The following MECR variants were observed in gnomAD, a reference collection of about 807,000 sequenced individuals.
MECR encodes the protein mitochondrial trans-2-enoyl-CoA reductase, also known as enoyl-[acyl-carrier-protein] reductase, mitochondrial.
In MECR, 37 loss-of-function variants were observed where a neutral mutation model predicts 49.1. The observed-to-expected ratio is 0.75, with a 90% confidence interval of 0.58 to 0.99. MECR has a LOEUF of 0.99. Among genes scored for constraint, MECR ranks in the 50% least tolerant of loss-of-function variants. MECR has a pLI of 0.00. For synonymous variants in MECR, 198 were observed against 191.1 expected (o/e 1.04, Z -0.30); for missense variants, 470 against 479.6 (o/e 0.98, Z 0.19).
the MECR span, chr1:29,169,792 G>C: frequency 1.3e-5 from 2 of 152,124 alleles, no homozygotes; most frequent in Non-Finnish European, 2.9e-5. Context: ...TATTCACATA[G>C]TAGGGTGAGA....
downstream of MECR, among the ~76,000 whole-genome samples, chr1:29,189,998 G>T (rs1200385058): frequency 6.6e-6 from 1 of 152,134 alleles, no homozygotes; most frequent in Non-Finnish European, 1.5e-5. Context: ...TAAAACAGAC[G>T]CTTATTTCTC....
intron 3 of MECR, among the ~76,000 whole-genome samples, chr1:29,207,276 T>A (rs1238589914): frequency 6.6e-6 from 1 of 152,008 alleles, no homozygotes; most frequent in East Asian, 1.9e-4. Flanking sequence ...TGCACTACCA[T>A]ACATGGCTAA....
chr1:29,209,861 C>T (rs1677526699), intron 3 of MECR, among the ~76,000 whole-genome samples: 1 of 152,136 alleles, frequency 6.6e-6, no homozygotes, highest in Non-Finnish European at 1.5e-5. Context: ...GCTCACTATC[C>T]AGTTGCTGGG....
intron 3 of MECR, among the ~76,000 whole-genome samples, chr1:29,209,774 C>G (rs1677501341): frequency 6.6e-6 from 1 of 152,088 alleles, no homozygotes. Context: ...TTGCTTGGAG[C>G]CTTGTTGGCT....
chr1:29,173,106 T>TTA, the MECR span: 1 of 151,774 alleles, frequency 6.6e-6, no homozygotes. Context: ...TAACCTACAT[T>TTA]TATTCTCTAA....
chr1:29,175,101 GATT>G, the MECR span, among the ~76,000 whole-genome samples: 1 of 148,850 alleles, frequency 6.7e-6, no homozygotes, highest in Non-Finnish European at 1.5e-5. Context: ...TACATCTTTG[GATT>G]ATTTTGGTCC....
the MECR span, chr1:29,169,449 G>T: frequency 6.6e-6 from 1 of 152,200 alleles, no homozygotes; most frequent in African/African-American, 2.4e-5. Flanking sequence ...ATGAGAAAGA[G>T]TAAGTGGCAA....
the MECR span, among the ~76,000 whole-genome samples, chr1:29,177,893 A>ATTTTTTT: frequency 2.6e-4 from 24 of 93,620 alleles, no homozygotes; most frequent in African/African-American, 9.3e-4. Flanking sequence ...ATTACACAAG[A>ATTTTTTT]TTTTTTTTTT....
intron 3 of MECR, among the ~76,000 whole-genome samples, chr1:29,215,159 C>A (rs1558476116): frequency 1.3e-5 from 2 of 152,206 alleles, no homozygotes; most frequent in South Asian, 4.1e-4. Flanking sequence ...CTCGTGCAAT[C>A]CTCTCCCATA....
chr1:29,186,396 T>C, the MECR span, among the ~76,000 whole-genome samples: 19 of 152,196 alleles, frequency 1.2e-4, no homozygotes, highest in Admixed American at 5.9e-4. Flanking sequence ...AAGTGTTGTT[T>C]GTCATATTTC....
At chr1:29,169,120 T>G in the MECR span, 1 of 152,254 alleles carries the variant, frequency 6.6e-6, no homozygotes, top group Non-Finnish European at 1.5e-5. Flanking sequence ...GTATAAAGCA[T>G]TATGCTAAGT....
downstream of MECR, among the ~76,000 whole-genome samples, chr1:29,191,414 C>T (rs1282993650): frequency 1.3e-5 from 2 of 152,160 alleles, no homozygotes; most frequent in Non-Finnish European, 2.9e-5. Context: ...AGTGACTGTC[C>T]TGCCTCAGCC....
At chr1:29,188,221 A>G (rs1223686103), downstream of MECR, among the ~76,000 whole-genome samples, 1 of 149,968 alleles carries the variant, frequency 6.7e-6, no homozygotes, top group African/African-American at 2.5e-5. Context: ...ATGGAGTCTC[A>G]CTCTGTTGCC....
intron 1 of MECR, among the ~76,000 whole-genome samples, chr1:29,226,583 A>G (rs1682120976): frequency 6.6e-6 from 1 of 152,208 alleles, no homozygotes; most frequent in Non-Finnish European, 1.5e-5. Context: ...TATTTAAAAT[A>G]TTTAAAAAAG....
At position 29,201,902 on chromosome 1, in the gene MECR, T is replaced by A. The variant is rs1675403577; in HGVS notation, c.756+41A>T. On this transcript the variant is annotated intron_variant, in intron 6 of 9. Transcript: ENST00000263702. The surrounding 1 kb of genome is among the most constrained non-coding windows in gnomAD (Gnocchi z 4.3). ...TGCATGTCAACTTTCTTCAGGGAGA[T>A]GTGCGTGGACTGGAGGGGCAATGTC... 1 of 1,470,768 alleles carries A rather than the reference T, an allele frequency of 6.8e-7. No individual in the cohort carries two copies. The highest frequency in any genetic ancestry group is 9.5e-7 in the Non-Finnish European group (1 of 1,049,810). The allele number at this position is 1,470,768 out of a possible 1,614,324, so 91.1% of individuals were successfully genotyped here.
intron 4 of MECR, among the ~76,000 whole-genome samples, chr1:29,204,956 T>A (rs944530772): frequency 2.0e-5 from 3 of 152,244 alleles, no homozygotes; most frequent in African/African-American, 7.2e-5. Flanking sequence ...GGGCACCATG[T>A]TTCATCACAC....
chr1:29,202,966 T>C (rs1675678056), intron 5 of MECR, among the ~76,000 whole-genome samples, 165 bp downstream of exon 5: 1 of 152,190 alleles, frequency 6.6e-6, no homozygotes. Flanking sequence ...TGGACTTCAT[T>C]TCTTAGGACT....
At chr1:29,170,629 T>C in the MECR span, 3 of 152,226 alleles carry the variant, frequency 2.0e-5, no homozygotes, top group African/African-American at 4.8e-5. Context: ...TAATTAAGTA[T>C]TTTAATGAAT....
At chr1:29,229,611 G>A (rs1468926616) in intron 1 of MECR, among the ~76,000 whole-genome samples, 2 of 152,222 alleles carry the variant, frequency 1.3e-5, no homozygotes, top group Non-Finnish European at 2.9e-5. Flanking sequence ...TACTGCACAA[G>A]AGTATGCAGG....
Sources: gnomAD v4.1 joint callset for allele counts (sites outside exome capture counted in the v4.1 genomes callset) on GRCh38, gnomAD v4.1.1 for gene constraint, Gnocchi (gnomAD v3.1) non-coding constraint, MANE v1.5 for transcripts, NCBI Gene and HGNC (gene_info 2026-07-23, HGNC 2026-07-21) for gene names.